The following PCDHA7 variants were observed in gnomAD, a reference collection of about 807,000 sequenced individuals.
PCDHA7 encodes protocadherin alpha-7.
Under a neutral mutation model 57.2 loss-of-function variants are expected in PCDHA7, and 37 were observed. That is an observed-to-expected ratio of 0.65 (90% CI 0.50 to 0.85). PCDHA7 has a LOEUF of 0.85. Among genes scored for constraint, PCDHA7 ranks in the 40% least tolerant of loss-of-function variants. The pLI is 0.00. For missense variants in PCDHA7, 1,188 were observed against 1,241.8 expected (o/e 0.96, Z 0.65); for synonymous variants, 553 against 558.8 (o/e 0.99, Z 0.15).
At chr5:140,993,883 A>G (rs1256857317) in intron 3 of PCDHA7, among the ~76,000 whole-genome samples, 1 of 152,228 alleles carries the variant, frequency 6.6e-6, no homozygotes, top group East Asian at 1.9e-4. Flanking sequence ...AGTACGCTCT[A>G]TGATGTCCAT....
chr5:140,966,691 G>A, intron 1 of PCDHA7: 3 of 1,349,440 alleles, frequency 2.2e-6, no homozygotes, highest in Non-Finnish European at 1.9e-6. Context: ...GCGGAGGCGG[G>A]GCCCGGGCGT....
chr5:140,853,885 T>C (rs1456390498), intron 1 of PCDHA7: 1 of 979,240 alleles, frequency 1.0e-6, no homozygotes, highest in Non-Finnish European at 1.2e-6. Context: ...TTCTGTAATT[T>C]AAAAAGATGT....
chr5:140,937,776 G>A (rs1350103217), intron 1 of PCDHA7, among the ~76,000 whole-genome samples: 1 of 151,292 alleles, frequency 6.6e-6, no homozygotes, highest in Non-Finnish European at 1.5e-5. Context: ...GTCGGGCGTG[G>A]TGGCGGGCGT....
At chr5:140,849,964 T>A in intron 1 of PCDHA7, 1 of 1,597,810 alleles carries the variant, frequency 6.3e-7, no homozygotes. Flanking sequence ...AACGCCCTGG[T>A]GTCCTACTCG....
chr5:140,993,850 G>A (rs1187946683), intron 3 of PCDHA7, among the ~76,000 whole-genome samples: 2 of 152,144 alleles, frequency 1.3e-5, no homozygotes, highest in African/African-American at 4.8e-5. Context: ...TATGTAGTAG[G>A]CTATGCCATC....
intron 1 of PCDHA7, chr5:140,877,288 T>C (rs782747810): frequency 1.9e-6 from 3 of 1,613,908 alleles, no homozygotes; most frequent in Non-Finnish European, 2.5e-6. Context: ...CTATAACGCT[T>C]GGCTGTCCTA....
chr5:140,995,606 C>G (rs532220927), intron 3 of PCDHA7, among the ~76,000 whole-genome samples: 30 of 152,102 alleles, frequency 2.0e-4, no homozygotes, highest in Non-Finnish European at 3.7e-4. Context: ...TTTTTCTTCT[C>G]CCAAACCAAA....
intron 1 of PCDHA7, among the ~76,000 whole-genome samples, chr5:140,934,826 A>C (rs556197038): frequency 1.1e-4 from 17 of 152,294 alleles, no homozygotes; most frequent in South Asian, 1.0e-3. Context: ...TAACTTTGGC[A>C]AGTTGGGAAC....
At position 140,863,955 on chromosome 5, in the gene PCDHA7, T is replaced by C. The variant is rs181544244; in HGVS notation, c.2355+27217T>C. 570 of 158,126 alleles carry C rather than the reference T, an allele frequency of 3.6e-3. 3 individuals carry two copies. The highest frequency in any genetic ancestry group is 0.014 in the Middle Eastern group (4 of 294). The allele number at this position is 158,126 out of a possible 1,614,324, so 9.8% of individuals were successfully genotyped here. ...GGCAGAGGTTGCGGTGAGCCTAGAT[T>C]AGGCCACTGCACTACAGCCTGGGAG... is the stretch of plus-strand genomic sequence containing the variant. On this transcript the variant is annotated intron_variant, in intron 1 of 3. Coordinates refer to ENST00000525929, the MANE Select transcript of PCDHA7 (RefSeq NM_018910.3).
chr5:140,896,188 G>C (rs1554186861), intron 1 of PCDHA7, among the ~76,000 whole-genome samples: 1 of 152,132 alleles, frequency 6.6e-6, no homozygotes, highest in Non-Finnish European at 1.5e-5. Context: ...ATTGTGAATA[G>C]TGCCATGATG....
At chr5:140,976,992 A>G (rs1421149242) in intron 1 of PCDHA7, among the ~76,000 whole-genome samples, 3 of 152,200 alleles carry the variant, frequency 2.0e-5, no homozygotes, top group Admixed American at 2.0e-4. Context: ...TTACTGCCAT[A>G]AGAAATCTTG....
intron 1 of PCDHA7, chr5:140,877,152 C>A (rs1662783035): frequency 6.2e-7 from 1 of 1,613,688 alleles, no homozygotes; most frequent in Non-Finnish European, 8.5e-7. Context: ...ACGAGAACGA[C>A]AACGCGCCGG....
intron 1 of PCDHA7, among the ~76,000 whole-genome samples, chr5:140,900,051 C>G (rs1489382607): frequency 6.6e-6 from 1 of 152,168 alleles, no homozygotes; most frequent in African/African-American, 2.4e-5. Flanking sequence ...CTCAAGTGAT[C>G]CTTTAACCTC....
At chr5:140,967,768 T>C in intron 1 of PCDHA7, 4 of 1,614,182 alleles carry the variant, frequency 2.5e-6, no homozygotes, top group African/African-American at 1.3e-5. Flanking sequence ...ACCAGATCTA[T>C]GTGCAGGCGA....
At chr5:140,948,273 T>A (rs1563231021) in intron 1 of PCDHA7, among the ~76,000 whole-genome samples, 1 of 151,602 alleles carries the variant, frequency 6.6e-6, no homozygotes, top group South Asian at 2.1e-4. Context: ...ATGTAGAATA[T>A]CTGTAAATAA....
In PCDHA7 at chr5:140,836,235, G is replaced by T. The variant is rs1774308419; in HGVS notation, c.1852G>T (p.Ala618Ser). 1 of 1,613,794 alleles carries T rather than the reference G, an allele frequency of 6.2e-7. No individual in the cohort carries two copies. The highest frequency in any genetic ancestry group is 1.7e-5 in the Admixed American group (1 of 60,016). The change falls in exon 1 of 4, where the codon GCG becomes TCG. Residue 618 changes from alanine (A) to serine (S), a missense_variant. Coordinates refer to ENST00000525929, the MANE Select transcript of PCDHA7 (RefSeq NM_018910.3). ...SYELQPVAAG[A>S]SIPFRVGLYT... The stretch of plus-strand genomic sequence containing the variant: ...TGAGTTGCAACCGGTGGCGGCCGGT[G>T]CGAGCATCCCGTTCCGCGTGGGGCT...
chr5:140,843,259 T>G lies in PCDHA7; in HGVS notation c.2355+6521T>G, dbSNP rs143217470. Reference sequence around the variant, plus strand: ...ACGAAGCGGACTCTCCGCGCCACCGTCTGCTGGTCCTGGTGAAGGATCATG... The same window carrying G: ...ACGAAGCGGACTCTCCGCGCCACCGGCTGCTGGTCCTGGTGAAGGATCATG... On this transcript the variant is annotated intron_variant, in intron 1 of 3. Transcript: ENST00000525929. 98 of 1,596,004 alleles carry G rather than the reference T, an allele frequency of 6.1e-5. 8 individuals are homozygous for G. In the African/African-American group the frequency reaches 1.1e-3, roughly 18 times the overall value.
intron 1 of PCDHA7, chr5:140,865,257 T>G (rs1250591902): frequency 6.6e-6 from 1 of 152,240 alleles, no homozygotes; most frequent in Non-Finnish European, 1.5e-5. Flanking sequence ...TGTAAGGATG[T>G]GTATCAAATT....
chr5:140,850,695 C>T lies in PCDHA7; in HGVS notation c.2355+13957C>T, dbSNP rs2150494737. 6 of 1,598,304 alleles carry T rather than the reference C, an allele frequency of 3.8e-6. No homozygotes were observed. The South Asian group carries it at 5.5e-5, about 15-fold the overall frequency. On this transcript the variant is annotated intron_variant, in intron 1 of 3. Transcript: ENST00000525929. Reference sequence around the variant, plus strand: ...GATGCCCACCGAGGGCGAGTGCGCGCCTGGCAAGCCGACGCTGGTGTGTTC... The same window carrying T: ...GATGCCCACCGAGGGCGAGTGCGCGTCTGGCAAGCCGACGCTGGTGTGTTC...
Sources: allele counts gnomAD v4.1 joint callset (sites outside exome capture counted in the v4.1 genomes callset), GRCh38; gene constraint gnomAD v4.1.1; transcripts MANE v1.5; gene names NCBI Gene and HGNC (gene_info 2026-07-23, HGNC 2026-07-21).